CAMSAP1: variants seen among roughly 807,000 people sequenced by gnomAD.
CAMSAP1 encodes calmodulin regulated spectrin associated protein 1.
Under a neutral mutation model 143.5 loss-of-function variants are expected in CAMSAP1, and 58 were observed. The ratio of observed to expected loss-of-function variants is 0.40; its 90% confidence interval spans 0.33 to 0.50. CAMSAP1 has a LOEUF of 0.50. CAMSAP1 is among the 20% of genes least tolerant of loss of function. The pLI is 0.45. For synonymous variants in CAMSAP1, 945 were observed against 859.3 expected, an observed-to-expected ratio of 1.10 and a Z score of -1.74; for missense variants, 1,969 against 2,115.7, an observed-to-expected ratio of 0.93 and a Z score of 1.36.
chr9:135,821,504 G>C lies in CAMSAP1; in HGVS notation c.3157C>G (p.Pro1053Ala). Residue 1053 changes from proline to alanine, a missense_variant, in exon 11 of 17, where the codon CCC (proline) becomes GCC (alanine). Transcript: ENST00000389532. This position sits in a 1 kb window ranked among gnomAD's most constrained non-coding sequence, Gnocchi z 4.6. ...QQQEQLLMKS[P>A]TVPVPGSKNN... ...TTAGAGCCTGGCACTGGGACTGTGG[G>C]GGACTTCATCAGAAGCTGCTCTTGC... 3 of 1,614,042 alleles carry C rather than the reference G, an allele frequency of 1.9e-6. No individual in the cohort carries two copies. The highest frequency in any genetic ancestry group is 1.7e-6 in the Non-Finnish European group (2 of 1,179,904).
intron 1 of CAMSAP1, among the ~76,000 whole-genome samples, chr9:135,892,206 G>C (rs1219276221): frequency 1.3e-5 from 2 of 152,148 alleles, no homozygotes; most frequent in African/African-American, 4.8e-5. Flanking sequence ...ACCGTGTGCA[G>C]ACATGGTTCA....
rs567212863 is a variant in CAMSAP1, at chr9:135,820,070, T to C, written c.3822+769A>G. Among the ~76,000 whole-genome samples the C allele has an allele frequency of 6.6e-6, 1 of 152,236 alleles. No individual in the cohort carries two copies. Among genetic ancestry groups the C allele is most frequent in the African/African-American group, 2.4e-5 (1 of 41,462 alleles). ...AGGTCCTCAGGTGACTCTGCTGCTG[T>C]GTGAGCATGACGGAGTGTGCGCACA... On this transcript the variant is annotated intron_variant, in intron 11 of 16. Coordinates refer to ENST00000389532, the MANE Select transcript of CAMSAP1 (RefSeq NM_015447.4). The surrounding 1 kb of genome is among the most constrained non-coding windows in gnomAD (Gnocchi z 4.4).
chr9:135,849,690 C>A lies in CAMSAP1; in HGVS notation c.1045+447G>T, dbSNP rs561049193. ...TCTTTCAAGGAAAAGAAGGTCCAAA[C>A]TTTAATGTTGCTGAATTTGCAATCT... is the stretch of plus-strand genomic sequence containing the variant. On this transcript the variant is annotated intron_variant, in intron 7 of 16. Transcript: ENST00000389532. 3.9e-5 allele frequency among the ~76,000 whole-genome samples: 6 copies of A among 152,244 alleles called. No individual in the cohort carries two copies. The East Asian group carries it at 1.2e-3, about 29-fold the overall frequency.
In CAMSAP1 at chr9:135,882,819, T is replaced by C. The variant is rs1227828077; in HGVS notation, c.420A>G (p.Lys140=). ...GCGGCCACCGCAGACCACTCACCAT[T>C]TTTATGGGTGCGCGACTGAGGTCGG... The part of the protein sequence containing the change: ...TESDLSRAPI[K]MSAHMAMVDA... Residue 140 remains lysine (K), a synonymous_variant, in exon 2 of 17, where the codon AAA becomes AAG. Transcript: ENST00000389532. This position sits in a 1 kb window ranked among gnomAD's most constrained non-coding sequence, Gnocchi z 4.9. 1.3e-6 allele frequency: 2 copies of C among 1,549,364 alleles called. No homozygotes were observed.
intron 5 of CAMSAP1, among the ~76,000 whole-genome samples, chr9:135,851,546 C>G (rs1836784011): frequency 6.6e-6 from 1 of 151,578 alleles, no homozygotes; most frequent in South Asian, 2.1e-4. Context: ...ATCTCCATCT[C>G]CAAAGGGAAC....
intron 3 of CAMSAP1, among the ~76,000 whole-genome samples, chr9:135,875,764 A>G (rs1029169089): frequency 1.3e-5 from 2 of 152,172 alleles, no homozygotes; most frequent in African/African-American, 4.8e-5. Context: ...CCCTTCCCTC[A>G]TATCATTCAT....
At chr9:135,873,324 T>C (rs1837626865) in intron 3 of CAMSAP1, among the ~76,000 whole-genome samples, 1 of 152,164 alleles carries the variant, frequency 6.6e-6, no homozygotes, top group East Asian at 1.9e-4. Flanking sequence ...ACGGCTGAAG[T>C]GCCGCTTAGA....
chr9:135,854,473 C>CT (rs111395128), intron 5 of CAMSAP1, among the ~76,000 whole-genome samples: 23,129 of 147,536 alleles, frequency 0.16, 1,903 homozygotes, highest in Non-Finnish European at 0.18. Flanking sequence ...TTTGCCAAAA[C>CT]TTTTTTTTTT....
rs1356867166 is a variant in CAMSAP1, at chr9:135,907,061, G to C, written c.99C>G (p.Asp33Glu). Reference protein sequence around the residue: ...AADLVPLDRYDAARAKIAANL... With the variant: ...AADLVPLDRYEAARAKIAANL... ...TGGCGGCGATCTTGGCGCGCGCCGC[G>C]TCGTAGCGGTCCAGGGGCACGAGGT... Residue 33 changes from aspartate (D) to glutamate (E), a missense_variant, in exon 1 of 17, where the codon GAC (aspartate) becomes GAG (glutamate). By Grantham distance (45) the Asp-to-Glu change is conservative. Coordinates refer to ENST00000389532, the MANE Select transcript of CAMSAP1 (RefSeq NM_015447.4). 1.6e-5 allele frequency: 19 copies of C among 1,207,766 alleles called. No individual in the cohort carries two copies. The highest frequency in any genetic ancestry group is 6.2e-6 in the Non-Finnish European group (6 of 960,450). The allele number at this position is 1,207,766 out of a possible 1,614,324, so 74.8% of individuals were successfully genotyped here.
intron 7 of CAMSAP1, among the ~76,000 whole-genome samples, chr9:135,834,152 A>G (rs1835940217): frequency 6.6e-6 from 1 of 152,190 alleles, no homozygotes; most frequent in East Asian, 1.9e-4. Flanking sequence ...AAGACAAGAG[A>G]TGAGTATTGA....
In CAMSAP1 at chr9:135,834,146, C is replaced by G. The variant is rs1238511555; in HGVS notation, c.1046-6562G>C. Among the ~76,000 whole-genome samples, 4 of 152,090 alleles carry G rather than the reference C, an allele frequency of 2.6e-5. No homozygotes were observed. The South Asian group carries it at 6.2e-4, about 24-fold the overall frequency. ...GTCAGGATGGCTATTATCAAAAAGA[C>G]AAGAGATGAGTATTGAGGAGAATGT... On this transcript the variant is annotated intron_variant, in intron 7 of 16. Coordinates refer to ENST00000389532, the MANE Select transcript of CAMSAP1 (RefSeq NM_015447.4).
chr9:135,843,861 A>G (rs1291049815), intron 7 of CAMSAP1, among the ~76,000 whole-genome samples: 2 of 141,992 alleles, frequency 1.4e-5, no homozygotes, highest in Non-Finnish European at 3.0e-5. Flanking sequence ...GCGACAGAGC[A>G]AGACTCCGTC....
rs1235127615 is a variant in CAMSAP1, at chr9:135,907,040, G to C, written c.120C>G (p.Ala40=). The change falls in exon 1 of 17, where the codon GCC becomes GCG. Residue 40 remains alanine (A), a synonymous_variant. Transcript: ENST00000389532. ...DRYDAARAKI[A]ANLQWICAKA... The stretch of plus-strand genomic sequence containing the variant: ...TGGCGCAGATCCACTGCAGGTTGGC[G>C]GCGATCTTGGCGCGCGCCGCGTCGT... 5.8e-6 allele frequency: 7 copies of C among 1,201,892 alleles called. No homozygotes were observed. Among genetic ancestry groups the C allele is most frequent in the African/African-American group, 4.9e-5 (3 of 61,208 alleles). 74.5% of individuals were successfully genotyped at this position (1,201,892 alleles called of 1,614,324 possible).
intron 3 of CAMSAP1, 124 bp from the exon 4 acceptor site, chr9:135,866,660 T>C (rs1837389652): frequency 8.2e-6 from 5 of 613,160 alleles, no homozygotes; most frequent in Non-Finnish European, 1.5e-5. Flanking sequence ...ATAGGTATTG[T>C]TTAGGCCAAT....
intron 7 of CAMSAP1, among the ~76,000 whole-genome samples, chr9:135,830,973 C>T (rs1005400674): frequency 1.3e-4 from 20 of 152,222 alleles, no homozygotes; most frequent in African/African-American, 4.8e-4. Context: ...GAGTTCAAGA[C>T]CAGCCTGGCC....
At position 135,907,184 on chromosome 9, in the gene CAMSAP1, G is replaced by A; in HGVS notation, c.-25C>T. 9.3e-7 allele frequency: 1 copy of A among 1,070,734 alleles called. No homozygotes were observed. The highest frequency in any genetic ancestry group is 1.1e-6 in the Non-Finnish European group (1 of 884,822). The allele number at this position is 1,070,734 out of a possible 1,614,324, so 66.3% of individuals were successfully genotyped here. A position where few individuals can be genotyped will look rare whatever the true frequency, so the allele number is the denominator to read the frequency against. On this transcript the variant is annotated 5_prime_UTR_variant, in exon 1 of 17. Coordinates refer to ENST00000389532, the MANE Select transcript of CAMSAP1 (RefSeq NM_015447.4). ...TCTGCAGACAAAGGGCTGAGGCGGC[G>A]GCCCGGCCGCAACAAAGGCGCCGCC...
Position 135,823,076 on chromosome 9 carries a change from G to A in CAMSAP1, c.1585C>T (p.Leu529Phe). ...TCCTCAATACTGACATTGCTCAGGA[G>A]GCTCTTCCCGTGGCTCTTCGTGGCC... ...PTATKSHGKS[L>F]LSNVSIEDEE... The change falls in exon 11 of 17, where the codon CTC becomes TTC. Residue 529 changes from leucine to phenylalanine, a missense_variant. Coordinates refer to ENST00000389532, the MANE Select transcript of CAMSAP1 (RefSeq NM_015447.4). 6.2e-7 allele frequency: 1 copy of A among 1,613,986 alleles called. No homozygotes were observed. Among genetic ancestry groups the A allele is most frequent in the Non-Finnish European group, 8.5e-7 (1 of 1,179,898 alleles).
Position 135,821,410 on chromosome 9 carries a change from A to T in CAMSAP1, c.3251T>A (p.Val1084Glu), listed in dbSNP as rs1309223116. Residue 1084 changes from valine (V) to glutamate (E), a missense_variant, in exon 11 of 17, where the codon GTG becomes GAG. Val to Glu is a moderately radical substitution (Grantham distance 121). Transcript: ENST00000389532. The surrounding 1 kb of genome is among the most constrained non-coding windows in gnomAD (Gnocchi z 4.6). ...HFVEPLSPTGVAGHRKAPRLG... is the reference protein window; with the variant it reads ...HFVEPLSPTGEAGHRKAPRLG... ...CCGGGGGGCTTTGCGGTGGCCAGCC[A>T]CGCCCGTGGGAGAGAGTGGCTCCAC... 3.1e-6 allele frequency: 5 copies of T among 1,613,878 alleles called. No homozygotes were observed. The African/African-American group carries it at 6.7e-5, about 22-fold the overall frequency.
At chr9:135,892,848 C>CAAA (rs59978082) in intron 1 of CAMSAP1, among the ~76,000 whole-genome samples, 829 of 42,060 alleles carry the variant, frequency 0.02, 79 homozygotes, top group African/African-American at 0.073. Context: ...AAGACTGTCT[C>CAAA]AAAAAAAAAA....
Sources: allele counts gnomAD v4.1 joint callset (sites outside exome capture counted in the v4.1 genomes callset), GRCh38; gene constraint gnomAD v4.1.1; non-coding constraint Gnocchi (gnomAD v3.1); transcripts MANE v1.5; gene names NCBI Gene and HGNC (gene_info 2026-07-23, HGNC 2026-07-21).